Variants in ADGRG1 observed in about 807,000 individuals in gnomAD.
ADGRG1 encodes the protein adhesion G protein-coupled receptor G1, also known as 7-transmembrane protein with no EGF-like N-terminal domains-1.
A neutral mutation model predicts 73.5 loss-of-function variants in ADGRG1; 53 were observed. That is an observed-to-expected ratio of 0.72 (90% CI 0.58 to 0.91). The LOEUF (loss-of-function observed/expected upper bound fraction) is 0.91. Ranked by LOEUF, ADGRG1 falls within the 40% of genes least tolerant of loss-of-function variation. The pLI is 0.00. For missense variants in ADGRG1, 795 were observed against 871.8 expected, an observed-to-expected ratio of 0.91 and a Z score of 1.11; for synonymous variants, 394 against 374.4, an observed-to-expected ratio of 1.05 and a Z score of -0.60.
In ADGRG1 at chr16:57,637,389, G is replaced by A. The variant is rs1176555960; in HGVS notation, c.-36+8587G>A. 17 of 985,210 alleles carry A rather than the reference G, an allele frequency of 1.7e-5. No homozygotes were observed. The East Asian group carries it at 1.4e-3, about 79-fold the overall frequency. The allele number at this position is 985,210 out of a possible 1,614,324, so 61.0% of individuals were successfully genotyped here. A position where few individuals can be genotyped will look rare whatever the true frequency, so the allele number is the denominator to read the frequency against. On this transcript the variant is annotated intron_variant, in intron 1 of 13. Coordinates refer to ENST00000562631, the MANE Select transcript of ADGRG1 (RefSeq NM_201525.4). ...CTATGGGTGGGGCTGGGGAAGCTGT[G>A]CCTCTGTTTCTCCGGGTTGCTGTTG...
intron 1 of ADGRG1, chr16:57,630,845 C>A: frequency 1.7e-6 from 1 of 594,270 alleles, no homozygotes; most frequent in Non-Finnish European, 2.1e-6. Flanking sequence ...GTGGAGGAAA[C>A]TACTTAGGAA....
upstream of ADGRG1, chr16:57,623,051 T>C (rs1170242691): frequency 1.4e-5 from 14 of 985,218 alleles, no homozygotes; most frequent in Middle Eastern, 1.0e-3. Flanking sequence ...AAAGCAGGAC[T>C]TAAATAAGGC....
intron 10 of ADGRG1, 76 bp downstream of exon 10, chr16:57,657,567 T>G (rs2046048622): frequency 8.9e-7 from 1 of 1,128,118 alleles, no homozygotes; most frequent in East Asian, 2.3e-5. Context: ...CGCACACATC[T>G]CCGGTCATGG....
In ADGRG1 at chr16:57,642,584, AC is replaced by A; in HGVS notation, c.-35-7668del. On this transcript the variant is annotated intron_variant, in intron 1 of 13. Coordinates refer to ENST00000562631, the MANE Select transcript of ADGRG1 (RefSeq NM_201525.4). ...GCTTTATGGGTTTCTTTCCTGCAGG[AC>A]TTATCAGAGCCTTTGATATGCTAAT... 7.2e-6 allele frequency: 7 copies of A among 967,584 alleles called. No individual in the cohort carries two copies. The South Asian group carries it at 3.3e-4, about 46-fold the overall frequency. 59.9% of individuals were successfully genotyped at this position (967,584 alleles called of 1,614,324 possible). A position where few individuals can be genotyped will look rare whatever the true frequency, so the allele number is the denominator to read the frequency against.
At chr16:57,644,299 GCA>G (rs1391503830) in intron 1 of ADGRG1, 3 of 609,484 alleles carry the variant, frequency 4.9e-6, no homozygotes, top group South Asian at 7.2e-5. Flanking sequence ...TCATGCTCAG[GCA>G]CACACTCATG....
rs1362938038 is a variant in ADGRG1 at position 57,659,507 on chromosome 16, GC to G, written c.1384del (p.Leu462Ter). Reference protein sequence around the residue: ...DTSFLLSEPVALTGSEAGCRA... With the variant: ...DTSFLLSEPVXLTGSEAGCRA... The stretch of plus-strand genomic sequence containing the variant: ...GAGCTTCCTGCTCAGCGAGCCGGTG[GC>G]CCTGACAGGCTCTGAGGCTGGCTGC... On this transcript the variant is annotated frameshift_variant, in exon 11 of 14. Transcript: ENST00000562631. LOFTEE classifies it high-confidence loss of function. 1 of 1,613,778 alleles carries G rather than the reference GC, an allele frequency of 6.2e-7. No homozygotes were observed. Among genetic ancestry groups the G allele is most frequent in the Non-Finnish European group, 8.5e-7 (1 of 1,179,852 alleles).
intron 1 of ADGRG1, chr16:57,631,465 CGGGTGGAAGTA>C: frequency 1.0e-6 from 1 of 985,476 alleles, no homozygotes; most frequent in Non-Finnish European, 1.2e-6. Flanking sequence ...GTGGGGAAGT[CGGGTGGAAGTA>C]GGGAGGAGAG....
At chr16:57,636,656 T>A (rs1039910654) in intron 1 of ADGRG1, 10 of 985,230 alleles carry the variant, frequency 1.0e-5, no homozygotes, top group Non-Finnish European at 1.2e-5. Context: ...CAGGAATGGC[T>A]CCTTTTGGGA....
intron 1 of ADGRG1, 177 bp downstream of exon 1, chr16:57,628,979 A>AGGGAGTGT (rs2036819748): frequency 3.4e-6 from 1 of 293,980 alleles, no homozygotes; most frequent in Non-Finnish European, 4.0e-6. Context: ...AGTGTGTGAG[A>AGGGAGTGT]GTGAGTGAGA....
upstream of ADGRG1, chr16:57,620,272 C>G (rs1288194508): frequency 3.9e-5 from 6 of 152,508 alleles, 1 homozygote; most frequent in Admixed American, 3.9e-4. Flanking sequence ...TGGCCCTTGG[C>G]CTGTTCAGGG....
chr16:57,655,559 A>G (rs1369490734), intron 6 of ADGRG1, 29 bp downstream of exon 6: 2 of 1,612,188 alleles, frequency 1.2e-6, no homozygotes, highest in African/African-American at 1.4e-5. Context: ...CATGCCTCCC[A>G]GGAGAAAGCA....
At chr16:57,645,044 TACAC>T (rs1297926320) in intron 1 of ADGRG1, 6 of 979,476 alleles carry the variant, frequency 6.1e-6, no homozygotes, top group African/African-American at 1.8e-5. Context: ...CTCATGCACA[TACAC>T]ACACTCATGC....
At chr16:57,628,421 G>A (rs1243372713), upstream of ADGRG1, 1 of 629,962 alleles carries the variant, frequency 1.6e-6, no homozygotes, top group African/African-American at 2.0e-5. Context: ...AGGCTGAGGT[G>A]CCCCCTTGCC....
At chr16:57,663,239 G>C in intron 13 of ADGRG1, 1 of 844,034 alleles carries the variant, frequency 1.2e-6, no homozygotes, top group Non-Finnish European at 1.4e-6. Context: ...GATGGGCCTA[G>C]GAAGTTTGTG....
At position 57,636,770 on chromosome 16, in the gene ADGRG1, T is replaced by G. The variant is rs1427095834; in HGVS notation, c.-36+7968T>G. The G allele has an allele frequency of 1.2e-5, 11 of 880,704 alleles. No homozygotes were observed. In the African/African-American group the frequency reaches 2.0e-4, roughly 16 times the overall value. The allele number at this position is 880,704 out of a possible 1,614,324, so 54.6% of individuals were successfully genotyped here. ...GGGATCTTCTATGGACCAGGCACTGTGCTAGGTACTGGAGATGCAGGTGGT... is the reference window on the plus strand; with the variant it reads ...GGGATCTTCTATGGACCAGGCACTGGGCTAGGTACTGGAGATGCAGGTGGT... On this transcript the variant is annotated intron_variant, in intron 1 of 13. Coordinates refer to ENST00000562631, the MANE Select transcript of ADGRG1 (RefSeq NM_201525.4).
chr16:57,628,873 CGTGAGTGTGTGAGAGT>C (rs1380229957), intron 1 of ADGRG1, 71 bp downstream of exon 1: 26,018 of 877,360 alleles, frequency 0.03, 1,025 homozygotes, highest in Non-Finnish European at 0.032. Context: ...AGTGTGTGAG[CGTGAGTGTGTGAGAGT>C]GTGAGTGTGT....
At chr16:57,641,219 C>A in intron 1 of ADGRG1, 1 of 894,626 alleles carries the variant, frequency 1.1e-6, no homozygotes, top group Non-Finnish European at 1.3e-6. Context: ...CCTCAAGATT[C>A]CAGTTGGCTG....
At chr16:57,628,381 C>T (rs2036323163), upstream of ADGRG1, 1 of 416,970 alleles carries the variant, frequency 2.4e-6, no homozygotes, top group East Asian at 1.6e-4. Flanking sequence ...CCTTCCTGTC[C>T]CTGAACACTG....
chr16:57,655,506 C>T lies in ADGRG1; in HGVS notation c.876C>T (p.Asp292=). ...GEAEKRLLLV[D]FSSQALFQDK... Reference sequence around the variant, plus strand: ...CTGAGAAGAGACTCCTCCTGGTGGACTTCAGCAGCCAAGCCCTGTTCCAGG... The same window carrying T: ...CTGAGAAGAGACTCCTCCTGGTGGATTTCAGCAGCCAAGCCCTGTTCCAGG... The change falls in exon 6 of 14, where the codon GAC becomes GAT. Residue 292 remains aspartate (D), a synonymous_variant. Coordinates refer to ENST00000562631, the MANE Select transcript of ADGRG1 (RefSeq NM_201525.4). 5 of 1,613,908 alleles carry T rather than the reference C, an allele frequency of 3.1e-6. No homozygotes were observed. Among genetic ancestry groups the T allele is most frequent in the Non-Finnish European group, 4.2e-6 (5 of 1,180,028 alleles).
Sources: allele counts gnomAD v4.1 joint callset, GRCh38; gene constraint gnomAD v4.1.1; transcripts MANE v1.5; gene names NCBI Gene and HGNC (gene_info 2026-07-23, HGNC 2026-07-21).